Variants in PLCH2 observed in about 807,000 individuals in gnomAD.
The protein encoded by PLCH2 is 1-phosphatidylinositol 4,5-bisphosphate phosphodiesterase eta-2.
In PLCH2, 98 loss-of-function variants were observed where a neutral mutation model predicts 134.7. The observed-to-expected ratio is 0.73, with a 90% CI of 0.62 to 0.86. The LOEUF (loss-of-function observed/expected upper bound fraction) is 0.86, where lower values mean the gene tolerates loss of function less well. PLCH2 is among the 40% of genes least tolerant of loss of function. The pLI is 0.00. For synonymous variants in PLCH2, 974 were observed against 827.5 expected, an observed-to-expected ratio of 1.18 and a Z score of -3.04; for missense variants, 1,994 against 1,986.6, an observed-to-expected ratio of 1.00 and a Z score of -0.07.
chr1:2,471,855 G>A (rs752984321), upstream of PLCH2, among the ~76,000 whole-genome samples: 3 of 152,178 alleles, frequency 2.0e-5, no homozygotes, highest in Non-Finnish European at 4.4e-5. Flanking sequence ...CTCCCCTGCC[G>A]AGCTGGGTAC....
At chr1:2,486,075 C>G (rs1314737228) in intron 5 of PLCH2, among the ~76,000 whole-genome samples, 1 of 152,202 alleles carries the variant, frequency 6.6e-6, no homozygotes, top group South Asian at 2.1e-4. Flanking sequence ...GGGGCGGCAC[C>G]AGCATGTGTC....
rs746456399 is a variant in PLCH2, at chr1:2,489,756, C to T, written c.1408-4C>T. 2.5e-6 allele frequency: 4 copies of T among 1,611,452 alleles called. No individual in the cohort carries two copies. The highest frequency in any genetic ancestry group is 3.4e-6 in the Non-Finnish European group (4 of 1,177,854). ...CCCCTCCCATCATGCACCTCCTCCC[C>T]CAGGGGAAGAAGCTCCCAGCCAACA... On this transcript the variant is annotated splice_polypyrimidine_tract_variant and splice_region_variant and intron_variant, in intron 9 of 21. Coordinates refer to ENST00000378486, the MANE Select transcript of PLCH2 (RefSeq NM_014638.4).
chr1:2,485,824 C>A (rs879272803), intron 5 of PLCH2, among the ~76,000 whole-genome samples: 4 of 152,140 alleles, frequency 2.6e-5, no homozygotes, highest in Non-Finnish European at 4.4e-5. Flanking sequence ...TACCCAGGAT[C>A]TCCCAGCAGT....
rs749462482 is a variant in PLCH2, at chr1:2,505,111, C to T, written c.4149C>T (p.Cys1383=). Residue 1383 remains cysteine, a synonymous_variant, in exon 22 of 22, where the codon TGC becomes TGT. Transcript: ENST00000378486. ...AGCGGGGCACCCCCGAGGGCGCCTGCTCCGTGGGCCACGAGGGCAGTGTGG... is the reference window on the plus strand; with the variant it reads ...AGCGGGGCACCCCCGAGGGCGCCTGTTCCGTGGGCCACGAGGGCAGTGTGG... ...EEERGTPEGA[C]SVGHEGSVDA... is the part of the protein sequence containing the mutation. 1.3e-6 allele frequency: 2 copies of T among 1,545,482 alleles called. No individual in the cohort carries two copies. Among genetic ancestry groups the T allele is most frequent in the South Asian group, 2.4e-5 (2 of 84,668 alleles).
exon 1 of PLCH2, chr1:2,467,603 A>C (rs766167014): frequency 2.2e-5 from 9 of 409,440 alleles, no homozygotes; most frequent in African/African-American, 1.6e-4. Flanking sequence ...GGTAACTGGG[A>C]TTGGCACCCG....
rs1641859342 is a variant in PLCH2, at chr1:2,479,854, A to G, written c.392A>G (p.Glu131Gly). Residue 131 changes from glutamate to glycine, a missense_variant, in exon 3 of 22, where the codon GAG (glutamate) becomes GGG (glycine). Physicochemically the swap from Glu to Gly is moderately conservative, Grantham distance 98. Transcript: ENST00000378486. ...AGCATCTACCACGGCAGCCACCGCG[A>G]GTCGCTGGACCTGGTCTCCACCAGC... is the stretch of plus-strand genomic sequence containing the variant. ...CFSIYHGSHR[E>G]SLDLVSTSSE... is the part of the protein sequence containing the mutation. The G allele has an allele frequency of 6.2e-7, 1 of 1,611,054 alleles. No homozygotes were observed.
chr1:2,452,966 T>A lies in PLCH2; in HGVS notation c.115+22337T>A, dbSNP rs539841695. Among the ~76,000 whole-genome samples, 3 of 152,210 alleles carry A rather than the reference T, an allele frequency of 2.0e-5. No homozygotes were observed. In the South Asian group the frequency reaches 6.2e-4, roughly 32 times the overall value. On this transcript the variant is annotated intron_variant, in intron 2 of 3. Coordinates refer to the PLCH2 transcript ENST00000609981. ...GGGAAGTCCCGGCTCACCCCACCCCTTCCCATGGATCCATTCCCGGTGGGG... is the reference window on the plus strand; with the variant it reads ...GGGAAGTCCCGGCTCACCCCACCCCATCCCATGGATCCATTCCCGGTGGGG...
intron 2 of PLCH2, among the ~76,000 whole-genome samples, chr1:2,447,954 C>T (rs1337852147): frequency 1.3e-5 from 2 of 152,216 alleles, no homozygotes; most frequent in African/African-American, 4.8e-5. Flanking sequence ...TCCCTCCCTC[C>T]CCTGCGGTAC....
intron 1 of PLCH2, among the ~76,000 whole-genome samples, chr1:2,477,924 A>G (rs1291996325): frequency 6.6e-6 from 1 of 152,176 alleles, no homozygotes; most frequent in Admixed American, 6.5e-5. Context: ...ACCTGTGGCC[A>G]GGGGCGGGGG....
intron 2 of PLCH2, among the ~76,000 whole-genome samples, chr1:2,457,461 C>T (rs1427911850): frequency 6.6e-6 from 1 of 152,190 alleles, no homozygotes; most frequent in Non-Finnish European, 1.5e-5. Context: ...CGCCAGGGTT[C>T]CCCAGCCGCC....
chr1:2,478,103 G>A (rs984174261), intron 1 of PLCH2, among the ~76,000 whole-genome samples: 6 of 152,252 alleles, frequency 3.9e-5, no homozygotes, highest in Non-Finnish European at 1.5e-5. Context: ...AGCTCTCGGG[G>A]CCCCAGGCCC....
chr1:2,467,418 GCGGCC>G, upstream of PLCH2: 1 of 385,322 alleles, frequency 2.6e-6, no homozygotes, highest in Non-Finnish European at 4.5e-6. Context: ...GGTCCCAGCG[GCGGCC>G]CCGTCCCGCC....
chr1:2,498,832 AG>A lies in PLCH2; in HGVS notation c.2434+6del. 6.2e-7 allele frequency: 1 copy of A among 1,604,044 alleles called. No homozygotes were observed. The highest frequency in any genetic ancestry group is 8.5e-7 in the Non-Finnish European group (1 of 1,173,530). On this transcript the variant is annotated splice_donor_5th_base_variant and intron_variant, in intron 18 of 21. Coordinates refer to ENST00000378486, the MANE Select transcript of PLCH2 (RefSeq NM_014638.4). This position sits in a 1 kb window ranked among gnomAD's most constrained non-coding sequence, Gnocchi z 5.4. ...ACCCGCGTGGTGGACGACAACGGTG[AG>A]GCTGGGCCGTGGCTCCGTCACACCT...
chr1:2,423,114 A>G (rs998395452), upstream of PLCH2, among the ~76,000 whole-genome samples: 3 of 152,196 alleles, frequency 2.0e-5, no homozygotes, highest in African/African-American at 7.2e-5. Context: ...ATTATTGGCA[A>G]CAGATCCTGC....
At chr1:2,433,625 C>G (rs188366095) in intron 2 of PLCH2, among the ~76,000 whole-genome samples, 17 of 152,342 alleles carry the variant, frequency 1.1e-4, no homozygotes, top group African/African-American at 4.1e-4. Flanking sequence ...CGTTTTCCTT[C>G]GGACTCTACA....
intron 4 of PLCH2, among the ~76,000 whole-genome samples, chr1:2,484,019 A>G (rs561576405): frequency 1.9e-5 from 2 of 106,976 alleles, no homozygotes; most frequent in African/African-American, 3.9e-5. Flanking sequence ...GGGGGCGCTG[A>G]CTCCCGTGTG....
chr1:2,452,786 G>T (rs1397977279), intron 2 of PLCH2, among the ~76,000 whole-genome samples: 2 of 152,244 alleles, frequency 1.3e-5, no homozygotes, highest in Non-Finnish European at 2.9e-5. Context: ...AGCTTGGCCA[G>T]TCGCTGTCCT....
rs1283241908 is a variant in PLCH2 at position 2,499,830 on chromosome 1, G to A, written c.2661+110G>A. On this transcript the variant is annotated intron_variant, in intron 20 of 21. Coordinates refer to ENST00000378486, the MANE Select transcript of PLCH2 (RefSeq NM_014638.4). The stretch of plus-strand genomic sequence containing the variant: ...CTGGGTCCTGAACTCAGGCAGTGAG[G>A]CCTAGGGTCCCCTCCCCGGGCCTCT... 1.0e-5 allele frequency: 9 copies of A among 857,290 alleles called. No homozygotes were observed. The African/African-American group carries it at 1.5e-4, about 14-fold the overall frequency. 53.1% of individuals were successfully genotyped at this position (857,290 alleles called of 1,614,324 possible).
chr1:2,491,976 A>G (rs1379842454), intron 11 of PLCH2, among the ~76,000 whole-genome samples: 1 of 151,810 alleles, frequency 6.6e-6, no homozygotes, highest in African/African-American at 2.4e-5. Context: ...GGTGGGGCAG[A>G]GTGGGGAGCG....
Sources: gnomAD v4.1 joint callset for allele counts (sites outside exome capture counted in the v4.1 genomes callset) on GRCh38, gnomAD v4.1.1 for gene constraint, Gnocchi (gnomAD v3.1) non-coding constraint, MANE v1.5 for transcripts, NCBI Gene and HGNC (gene_info 2026-07-23, HGNC 2026-07-21) for gene names.